Variants in NHSL1 observed in about 807,000 individuals in gnomAD.
NHSL1 encodes NHS-like protein 1.
A neutral mutation model predicts 95.0 loss-of-function variants in NHSL1; 48 were observed. The observed-to-expected ratio is 0.51, with a 90% CI of 0.40 to 0.64. The LOEUF (loss-of-function observed/expected upper bound fraction) is 0.64, where lower values mean the gene tolerates loss of function less well. NHSL1 is among the 30% of genes least tolerant of loss of function. The pLI, the probability that NHSL1 is intolerant of heterozygous loss-of-function variation, is 0.00. For missense variants in NHSL1, 1,971 were observed against 2,077.7 expected, an observed-to-expected ratio of 0.95 and a Z score of 1.00; for synonymous variants, 783 against 833.9, an observed-to-expected ratio of 0.94 and a Z score of 1.05.
chr6:138,526,108 AG>A (rs1436852031), intron 1 of NHSL1, among the ~76,000 whole-genome samples: 36 of 151,702 alleles, frequency 2.4e-4, no homozygotes, highest in Non-Finnish European at 4.0e-4. Context: ...AAAAAAAAAA[AG>A]AAAATATTTG....
intron 2 of NHSL1, among the ~76,000 whole-genome samples, chr6:138,482,832 G>A (rs939343656): frequency 2.0e-5 from 3 of 152,140 alleles, no homozygotes; most frequent in African/African-American, 4.8e-5. Context: ...TTACATTCCC[G>A]CCTTCAAGGT....
At chr6:138,443,076 C>T (rs991433461) in intron 4 of NHSL1, among the ~76,000 whole-genome samples, 18 of 150,380 alleles carry the variant, frequency 1.2e-4, no homozygotes, top group African/African-American at 1.7e-4. Flanking sequence ...TATATATATA[C>T]ACACACACAC....
intron 1 of NHSL1, among the ~76,000 whole-genome samples, chr6:138,578,055 C>T (rs1583431110): frequency 6.6e-6 from 1 of 152,194 alleles, no homozygotes; most frequent in East Asian, 1.9e-4. Context: ...CCCTCAACTA[C>T]CACTGCTTTA....
rs532033206 is a variant in NHSL1, at chr6:138,600,299, T to C, written c.96+92177A>G. Reference sequence around the variant, plus strand: ...CCCAGGCTGGAGTGCAGTAGCACAATGATGGCTCATGGCAGCCTTGAACTC... The same window carrying C: ...CCCAGGCTGGAGTGCAGTAGCACAACGATGGCTCATGGCAGCCTTGAACTC... On this transcript the variant is annotated intron_variant, in intron 1 of 3. Transcript: ENST00000491526. Among the ~76,000 whole-genome samples the C allele has an allele frequency of 2.6e-5, 4 of 152,324 alleles. 1 individual carries two copies. In the South Asian group the frequency reaches 8.3e-4, roughly 32 times the overall value.
chr6:138,502,284 T>C (rs1038432352), upstream of NHSL1, among the ~76,000 whole-genome samples: 3 of 152,254 alleles, frequency 2.0e-5, no homozygotes, highest in Non-Finnish European at 4.4e-5. Flanking sequence ...GCTCTTACTT[T>C]ACATCCTTGA....
chr6:138,630,765 C>T (rs1784808784), intron 1 of NHSL1, among the ~76,000 whole-genome samples: 1 of 152,158 alleles, frequency 6.6e-6, no homozygotes, highest in South Asian at 2.1e-4. Context: ...ATTTGTCACT[C>T]TCTAAATATG....
intron 1 of NHSL1, among the ~76,000 whole-genome samples, chr6:138,673,238 A>G (rs976316236): frequency 6.6e-6 from 1 of 151,844 alleles, no homozygotes; most frequent in Non-Finnish European, 1.5e-5. Context: ...TTAGCTATTC[A>G]TATATTTTCA....
At position 138,581,894 on chromosome 6, in the gene NHSL1, T is replaced by C. The variant is rs550249460; in HGVS notation, c.97-85523A>G. Among the ~76,000 whole-genome samples the C allele has an allele frequency of 6.0e-5, 8 of 133,338 alleles. No homozygotes were observed. The South Asian group carries it at 1.6e-3, about 26-fold the overall frequency. The allele number at this position is 133,338 out of a possible 152,430, so 87.5% of individuals were successfully genotyped here. A position where few individuals can be genotyped will look rare whatever the true frequency, so the allele number is the denominator to read the frequency against. On this transcript the variant is annotated intron_variant, in intron 1 of 3. Transcript: ENST00000491526. ...TTAGATTTTGAGGTTCTACTTTTTC[T>C]TTCTTTTTTTTTTTTTTTTTTGAGT...
Position 138,604,115 on chromosome 6 carries a change from TAAC to T in NHSL1, c.96+88358_96+88360del, listed in dbSNP as rs1291174673. On this transcript the variant is annotated intron_variant, in intron 1 of 3. Transcript: ENST00000491526. ...GCTAAGTGAGTTGACCACCCAGAGC[TAAC>T]ATGGATCAACTTAAGTAGCTCTAAA... Among the ~76,000 whole-genome samples, 3 of 152,216 alleles carry T rather than the reference TAAC, an allele frequency of 2.0e-5. No individual in the cohort carries two copies. In the East Asian group the frequency reaches 5.8e-4, roughly 29 times the overall value.
At chr6:138,628,663 G>A (rs970594802) in intron 1 of NHSL1, among the ~76,000 whole-genome samples, 3 of 152,184 alleles carry the variant, frequency 2.0e-5, no homozygotes, top group Non-Finnish European at 4.4e-5. Flanking sequence ...CAGGAGAATC[G>A]CTTGAACCTG....
intron 1 of NHSL1, among the ~76,000 whole-genome samples, chr6:138,580,446 G>A (rs1784036370): frequency 6.6e-6 from 1 of 152,222 alleles, no homozygotes; most frequent in African/African-American, 2.4e-5. Flanking sequence ...TTTTCTAGCA[G>A]TCGGGAGATT....
chr6:138,464,211 G>A (rs1169360444), intron 3 of NHSL1: 3 of 762,946 alleles, frequency 3.9e-6, no homozygotes, highest in Non-Finnish European at 6.5e-6. Flanking sequence ...GAGGCTGAGA[G>A]GCTGCTGGCC....
chr6:138,428,883 G>A (rs1025901243), intron 7 of NHSL1, among the ~76,000 whole-genome samples: 1 of 152,240 alleles, frequency 6.6e-6, no homozygotes, highest in Non-Finnish European at 1.5e-5. Context: ...CCGTGGTAGA[G>A]AAGTCTAGAA....
At chr6:138,462,252 G>A (rs1375127797) in intron 3 of NHSL1, among the ~76,000 whole-genome samples, 3 of 152,186 alleles carry the variant, frequency 2.0e-5, no homozygotes, top group African/African-American at 7.2e-5. Flanking sequence ...CTGGCTTCTG[G>A]CAATGGCTCT....
At chr6:138,475,917 T>C (rs1236874575) in intron 2 of NHSL1, among the ~76,000 whole-genome samples, 4 of 151,948 alleles carry the variant, frequency 2.6e-5, no homozygotes, top group Admixed American at 2.6e-4. Flanking sequence ...GAGCTGAGAT[T>C]ACACCACTGC....
chr6:138,448,522 T>C (rs940006113), intron 3 of NHSL1, among the ~76,000 whole-genome samples: 5 of 152,126 alleles, frequency 3.3e-5, no homozygotes, highest in Admixed American at 2.0e-4. Context: ...CCCAACCACA[T>C]ACCCCCAAAC....
At chr6:138,539,805 G>A (rs1022261974) in intron 1 of NHSL1, among the ~76,000 whole-genome samples, 4 of 152,116 alleles carry the variant, frequency 2.6e-5, no homozygotes, top group Non-Finnish European at 2.9e-5. Flanking sequence ...CGTTTTAGGC[G>A]GCAAAACTCT....
rs903225900 is a variant in NHSL1 at position 138,430,184 on chromosome 6, C to A, written c.3952+209G>T. On this transcript the variant is annotated intron_variant, in intron 6 of 7. Transcript: ENST00000343505. This position sits in a 1 kb window ranked among gnomAD's most constrained non-coding sequence, Gnocchi z 4.7. Reference sequence around the variant, plus strand: ...CTCCATCCCCCTATTTTCTGCCATGCCTTTAGGTCTAGATTTTAAAAATAA... The same window carrying A: ...CTCCATCCCCCTATTTTCTGCCATGACTTTAGGTCTAGATTTTAAAAATAA... Among the ~76,000 whole-genome samples the A allele has an allele frequency of 6.6e-6, 1 of 152,124 alleles. No individual in the cohort carries two copies. Among genetic ancestry groups the A allele is most frequent in the Non-Finnish European group, 1.5e-5 (1 of 68,020 alleles).
intron 1 of NHSL1, among the ~76,000 whole-genome samples, chr6:138,522,396 C>T (rs1781719104): frequency 6.6e-6 from 1 of 152,218 alleles, no homozygotes; most frequent in Non-Finnish European, 1.5e-5. Context: ...AATCCCAGCA[C>T]TTTGGGAGGC....
Sources: gnomAD v4.1 joint callset for allele counts (sites outside exome capture counted in the v4.1 genomes callset) on GRCh38, gnomAD v4.1.1 for gene constraint, Gnocchi (gnomAD v3.1) non-coding constraint, MANE v1.5 for transcripts, NCBI Gene and HGNC (gene_info 2026-07-23, HGNC 2026-07-21) for gene names.